Variants in SDK1 observed in about 807,000 individuals in gnomAD.
The protein encoded by SDK1 is sidekick cell adhesion molecule 1, also known as protein sidekick-1.
Under a neutral mutation model 245.5 loss-of-function variants are expected in SDK1, and 157 were observed. That is an observed-to-expected ratio of 0.64 (90% CI 0.56 to 0.73). The LOEUF is 0.73. SDK1 is among the 30% of genes least tolerant of loss of function. The pLI, the probability that SDK1 is intolerant of heterozygous loss-of-function variation, is 0.00. For synonymous variants in SDK1, 1,647 were observed against 1,278.5 expected (o/e 1.29, Z -6.15); for missense variants, 3,583 against 3,002.3 (o/e 1.19, Z -4.52).
intron 1 of SDK1, among the ~76,000 whole-genome samples, chr7:3,399,206 G>T (rs1213353087): frequency 1.3e-5 from 2 of 151,404 alleles, no homozygotes; most frequent in Non-Finnish European, 2.9e-5. Flanking sequence ...GAATTTGCTG[G>T]GTCTTTTTTC....
chr7:3,688,745 A>G (rs1038693227), intron 4 of SDK1, among the ~76,000 whole-genome samples: 1 of 152,182 alleles, frequency 6.6e-6, no homozygotes, highest in African/African-American at 2.4e-5. Context: ...TTAGAGGGAA[A>G]ATACTACAGC....
At chr7:3,577,633 G>A (rs756992363) in intron 1 of SDK1, among the ~76,000 whole-genome samples, 3 of 152,000 alleles carry the variant, frequency 2.0e-5, no homozygotes, top group East Asian at 1.9e-4. Flanking sequence ...AACCTGTTTT[G>A]TGTCAGATAC....
intron 38 of SDK1, among the ~76,000 whole-genome samples, chr7:4,216,495 G>A (rs374064083): frequency 6.6e-5 from 10 of 152,190 alleles, no homozygotes; most frequent in African/African-American, 1.9e-4. Context: ...GATTCCCAAC[G>A]GGGAACCACA....
chr7:3,573,502 C>G (rs1039700708), intron 1 of SDK1, among the ~76,000 whole-genome samples: 1 of 152,110 alleles, frequency 6.6e-6, no homozygotes, highest in African/African-American at 2.4e-5. Flanking sequence ...ACAACAGATG[C>G]AGCTGCCCCC....
At position 3,368,681 on chromosome 7, in the gene SDK1, C is replaced by T. The variant is rs139656620; in HGVS notation, c.298+66797C>T. Among the ~76,000 whole-genome samples the T allele has an allele frequency of 1.2e-4, 18 of 152,272 alleles. No homozygotes were observed. In the East Asian group the frequency reaches 3.3e-3, roughly 28 times the overall value. The stretch of plus-strand genomic sequence containing the variant: ...TTTATGTGCCCATTTGTCATTTTCA[C>T]TTCTAGAAGTGAGAAGCATCAGGAC... On this transcript the variant is annotated intron_variant, in intron 1 of 44. Coordinates refer to ENST00000404826, the MANE Select transcript of SDK1 (RefSeq NM_152744.4).
chr7:3,570,678 A>T (rs1780086918), intron 1 of SDK1, among the ~76,000 whole-genome samples: 1 of 152,214 alleles, frequency 6.6e-6, no homozygotes, highest in South Asian at 2.1e-4. Flanking sequence ...ACAGTCGCAG[A>T]TGGCAGTGGC....
chr7:4,069,469 G>A (rs1780108970), intron 20 of SDK1, among the ~76,000 whole-genome samples: 1 of 152,376 alleles, frequency 6.6e-6, no homozygotes, highest in Admixed American at 6.5e-5. Context: ...CGCACCCCAA[G>A]GTTGAGTGAG....
intron 1 of SDK1, among the ~76,000 whole-genome samples, chr7:3,335,944 C>T (rs372338682): frequency 6.6e-6 from 1 of 151,948 alleles, no homozygotes; most frequent in Non-Finnish European, 1.5e-5. Flanking sequence ...AGACTGTGGC[C>T]ACTCTAGAGT....
chr7:4,139,386 CGT>C (rs1196507216), intron 28 of SDK1, among the ~76,000 whole-genome samples: 250 of 130,114 alleles, frequency 1.9e-3, no homozygotes, highest in African/African-American at 6.4e-3. Flanking sequence ...TATATATGTA[CGT>C]GTGTGTGTAT....
intron 4 of SDK1, among the ~76,000 whole-genome samples, chr7:3,793,993 A>G (rs1009418819): frequency 5.9e-5 from 9 of 152,204 alleles, no homozygotes; most frequent in African/African-American, 2.2e-4. Context: ...TCCAACCCCC[A>G]CATCCTAGTA....
chr7:3,819,177 C>G (rs1266407780), intron 4 of SDK1, among the ~76,000 whole-genome samples: 1 of 151,110 alleles, frequency 6.6e-6, no homozygotes, highest in Non-Finnish European at 1.5e-5. Context: ...GGAAATTAAT[C>G]TTCATGATCT....
chr7:3,921,550 C>G (rs1424927813), intron 5 of SDK1, among the ~76,000 whole-genome samples: 1 of 152,158 alleles, frequency 6.6e-6, no homozygotes, highest in Non-Finnish European at 1.5e-5. Context: ...CCTCTCTTCT[C>G]TATAGACTTG....
chr7:4,116,292 G>A (rs1172554212), intron 25 of SDK1, among the ~76,000 whole-genome samples: 1 of 152,148 alleles, frequency 6.6e-6, no homozygotes, highest in African/African-American at 2.4e-5. Flanking sequence ...GCTGCAATGG[G>A]TGCAGGTATT....
chr7:3,519,732 C>T (rs566690219), intron 1 of SDK1, among the ~76,000 whole-genome samples: 1 of 152,154 alleles, frequency 6.6e-6, no homozygotes, highest in Non-Finnish European at 1.5e-5. Context: ...ATTTATATTT[C>T]CACAATAGAG....
chr7:3,577,071 G>A (rs1780317675), intron 1 of SDK1, among the ~76,000 whole-genome samples: 2 of 151,878 alleles, frequency 1.3e-5, no homozygotes, highest in African/African-American at 4.8e-5. Flanking sequence ...GCAAAGAGAG[G>A]ACAGCACACA....
intron 5 of SDK1, among the ~76,000 whole-genome samples, chr7:3,849,252 G>A (rs1214077744): frequency 1.3e-5 from 2 of 152,088 alleles, no homozygotes; most frequent in Admixed American, 6.6e-5. Context: ...TGTCTTCCCC[G>A]GAGATGCACC....
chr7:3,752,817 A>G lies in SDK1; in HGVS notation c.714-68633A>G, dbSNP rs117811928. ...AAATGCTTATTTGTTATTTCTCTCT[A>G]TAGTTTTTTCTCTATATAGTATAGT... is the stretch of plus-strand genomic sequence containing the variant. On this transcript the variant is annotated intron_variant, in intron 4 of 44. Coordinates refer to ENST00000404826, the MANE Select transcript of SDK1 (RefSeq NM_152744.4). 5.5e-3 allele frequency among the ~76,000 whole-genome samples: 838 copies of G among 152,316 alleles called. 1 individual carries two copies. Among genetic ancestry groups the G allele is most frequent in the Non-Finnish European group, 8.6e-3 (587 of 68,020 alleles).
At position 3,816,255 on chromosome 7, in the gene SDK1, C is replaced by G. The variant is rs1469081216; in HGVS notation, c.714-5195C>G. Among the ~76,000 whole-genome samples the G allele has an allele frequency of 1.3e-4, 19 of 152,000 alleles. No individual in the cohort carries two copies. The South Asian group carries it at 2.7e-3, about 22-fold the overall frequency. On this transcript the variant is annotated intron_variant, in intron 4 of 44. Transcript: ENST00000404826. The stretch of plus-strand genomic sequence containing the variant: ...AGAACTAACTAAAATCAGAGCAGAA[C>G]TGAAGGAAAGAGAGACACAAAAAAC...
chr7:3,818,355 A>G (rs975657202), intron 4 of SDK1, among the ~76,000 whole-genome samples: 34 of 152,232 alleles, frequency 2.2e-4, no homozygotes, highest in African/African-American at 8.2e-4. Flanking sequence ...CTTTGCTACC[A>G]TAATTACTCA....
Sources: gnomAD v4.1 joint callset for allele counts (sites outside exome capture counted in the v4.1 genomes callset) on GRCh38, gnomAD v4.1.1 for gene constraint, MANE v1.5 for transcripts, NCBI Gene and HGNC (gene_info 2026-07-23, HGNC 2026-07-21) for gene names.